The following CALN1 variants were observed in gnomAD, a reference collection of about 807,000 sequenced individuals.
CALN1 encodes calcium-binding protein 8.
CALN1 carries 17 observed loss-of-function variants against 30.6 expected under a neutral mutation model. The ratio of observed to expected loss-of-function variants is 0.56; its 90% CI spans 0.38 to 0.83. CALN1 has a LOEUF of 0.83. Ranked by LOEUF, CALN1 falls within the 40% of genes least tolerant of loss-of-function variation. The pLI is 0.00. For missense variants in CALN1, 291 were observed against 354.9 expected (o/e 0.82, Z 1.45); for synonymous variants, 156 against 131.4 (o/e 1.19, Z -1.28).
In CALN1 at chr7:71,933,567, T is replaced by TA. The variant is rs570552372; in HGVS notation, c.501+90089dup. 6.1e-3 allele frequency among the ~76,000 whole-genome samples: 929 copies of TA among 152,290 alleles called. 10 individuals carry two copies. The highest frequency in any genetic ancestry group is 0.021 in the African/African-American group (880 of 41,558). On this transcript the variant is annotated intron_variant, in intron 5 of 6. Coordinates refer to ENST00000395275, the MANE Select transcript of CALN1 (RefSeq NM_031468.4). ...AGACAACCACACCGCTTCAACATCG[T>TA]AAAAGAAATGGTTGCTTTGCTTAAC...
intron 1 of CALN1, among the ~76,000 whole-genome samples, chr7:72,410,206 T>C (rs1395345847): frequency 6.6e-6 from 1 of 152,170 alleles, no homozygotes; most frequent in Non-Finnish European, 1.5e-5. Context: ...CCTGGAGCTC[T>C]TAAATATGTA....
chr7:72,087,854 A>C (rs931319234), intron 4 of CALN1, among the ~76,000 whole-genome samples: 22 of 152,176 alleles, frequency 1.4e-4, no homozygotes, highest in African/African-American at 4.3e-4. Context: ...TCCAGAAAGA[A>C]AACTCGGTCT....
chr7:72,475,495 C>T, the CALN1 span, among the ~76,000 whole-genome samples: 1 of 152,216 alleles, frequency 6.6e-6, no homozygotes, highest in South Asian at 2.1e-4. Context: ...AATGAAGTTG[C>T]TTTCCAAAAA....
the CALN1 span, among the ~76,000 whole-genome samples, chr7:72,474,685 CA>C: frequency 0.11 from 14,002 of 132,570 alleles, 1,987 homozygotes; most frequent in African/African-American, 0.33. Flanking sequence ...GATCTTGTCC[CA>C]AAAAAAAAAA....
chr7:72,288,757 G>C (rs968116790), intron 2 of CALN1, among the ~76,000 whole-genome samples: 3 of 152,050 alleles, frequency 2.0e-5, no homozygotes, highest in African/African-American at 7.2e-5. Flanking sequence ...TTATGTATTG[G>C]ATTGTTTATG....
At chr7:72,109,463 T>C (rs1437402792) in intron 3 of CALN1, among the ~76,000 whole-genome samples, 1 of 152,152 alleles carries the variant, frequency 6.6e-6, no homozygotes, top group African/African-American at 2.4e-5. Flanking sequence ...CCTATTAATC[T>C]GCTGTTCAAC....
chr7:72,289,602 G>A (rs912984003), intron 2 of CALN1, among the ~76,000 whole-genome samples: 4 of 152,076 alleles, frequency 2.6e-5, no homozygotes, highest in African/African-American at 9.7e-5. Flanking sequence ...ACATGGATTT[G>A]GAAAGAGATG....
chr7:72,138,716 C>T (rs571694886), intron 3 of CALN1, among the ~76,000 whole-genome samples: 4 of 152,318 alleles, frequency 2.6e-5, no homozygotes, highest in South Asian at 2.1e-4. Flanking sequence ...ATTGGTTTCA[C>T]GACAATATGC....
chr7:72,392,493 T>C (rs1015337444), intron 2 of CALN1, among the ~76,000 whole-genome samples: 2 of 152,134 alleles, frequency 1.3e-5, no homozygotes, highest in East Asian at 1.9e-4. Flanking sequence ...GGGCACATAG[T>C]GAAACAGGAC....
chr7:71,876,678 CAACT>C (rs1792263534), intron 5 of CALN1, among the ~76,000 whole-genome samples: 1 of 151,972 alleles, frequency 6.6e-6, no homozygotes, highest in Admixed American at 6.6e-5. Flanking sequence ...CCCTCCACTC[CAACT>C]AACCTAAATG....
chr7:72,097,068 C>A lies in CALN1; in HGVS notation c.388+9083G>T, dbSNP rs749950949. ...GCAAACTATCACAACGACAGAAAAT[C>A]AAACACCGTATGTTCTCACTCATAG... On this transcript the variant is annotated intron_variant, in intron 4 of 6. Coordinates refer to ENST00000395275, the MANE Select transcript of CALN1 (RefSeq NM_031468.4). 2.6e-5 allele frequency among the ~76,000 whole-genome samples: 4 copies of A among 151,914 alleles called. 1 individual carries two copies. The highest frequency in any genetic ancestry group is 4.8e-5 in the African/African-American group (2 of 41,350).
At chr7:71,888,174 A>G (rs1793024893) in intron 5 of CALN1, among the ~76,000 whole-genome samples, 2 of 152,162 alleles carry the variant, frequency 1.3e-5, no homozygotes, top group Admixed American at 1.3e-4. Context: ...GGGAACAAAA[A>G]TGCTTAAGAT....
chr7:72,276,017 G>T (rs550955918), intron 3 of CALN1, among the ~76,000 whole-genome samples: 42 of 152,164 alleles, frequency 2.8e-4, no homozygotes, highest in Middle Eastern at 3.2e-3. Flanking sequence ...ATCATCTCTT[G>T]ATCATTCATG....
intron 5 of CALN1, among the ~76,000 whole-genome samples, chr7:71,996,065 G>C (rs1037216817): frequency 3.9e-5 from 6 of 152,078 alleles, no homozygotes; most frequent in African/African-American, 1.4e-4. Flanking sequence ...TATAAACCAG[G>C]CTGGCTAATA....
chr7:72,122,209 T>C (rs1392277072), intron 3 of CALN1, among the ~76,000 whole-genome samples: 1 of 152,144 alleles, frequency 6.6e-6, no homozygotes, highest in Non-Finnish European at 1.5e-5. Context: ...ACAGTTAATT[T>C]GTCATTAGAT....
At chr7:72,326,251 C>T (rs935753471) in intron 2 of CALN1, among the ~76,000 whole-genome samples, 1 of 152,138 alleles carries the variant, frequency 6.6e-6, no homozygotes, top group African/African-American at 2.4e-5. Flanking sequence ...CCTGATCGTC[C>T]TTGCACAAAG....
At chr7:72,472,337 GC>G in the CALN1 span, among the ~76,000 whole-genome samples, 3 of 152,200 alleles carry the variant, frequency 2.0e-5, no homozygotes, top group African/African-American at 7.2e-5. Context: ...CACCTTAGTT[GC>G]CCCCGGCACA....
At chr7:72,244,855 C>G (rs983162381) in intron 3 of CALN1, among the ~76,000 whole-genome samples, 1 of 152,088 alleles carries the variant, frequency 6.6e-6, no homozygotes, top group African/African-American at 2.4e-5. Context: ...TGCTCAACTT[C>G]AGAGAGAGAG....
At chr7:72,455,321 ATGTGTGTG>A in the CALN1 span, among the ~76,000 whole-genome samples, 5,321 of 138,838 alleles carry the variant, frequency 0.038, 106 homozygotes, top group African/African-American at 0.05. Context: ...ATATATATAT[ATGTGTGTG>A]TGTGTGTGTG....
Sources: gnomAD v4.1 joint callset for allele counts (sites outside exome capture counted in the v4.1 genomes callset) on GRCh38, gnomAD v4.1.1 for gene constraint, MANE v1.5 for transcripts, NCBI Gene and HGNC (gene_info 2026-07-23, HGNC 2026-07-21) for gene names.